HTR7: variants seen among roughly 807,000 people sequenced by gnomAD.
HTR7 encodes 5-HT-7.
HTR7 carries 16 observed loss-of-function variants against 34.0 expected under a neutral mutation model. The ratio of observed to expected loss-of-function variants is 0.47; its 90% confidence interval spans 0.32 to 0.71. The LOEUF (loss-of-function observed/expected upper bound fraction) is 0.71, where lower values mean the gene tolerates loss of function less well. HTR7 is among the 30% of genes least tolerant of loss of function. The probability of loss-of-function intolerance (pLI) is 0.04; values close to 1 mark genes in which losing one functional copy is unlikely to be tolerated. For synonymous variants in HTR7, 265 were observed against 260.2 expected (o/e 1.02, Z -0.18); for missense variants, 504 against 625.5 (o/e 0.81, Z 2.07).
chr10:90,783,634 T>C (rs1238758510), intron 1 of HTR7, among the ~76,000 whole-genome samples: 3 of 152,212 alleles, frequency 2.0e-5, no homozygotes, highest in Non-Finnish European at 4.4e-5. Context: ...TTTTTAGAGA[T>C]AGGCTTTTTA....
At chr10:90,821,943 C>A (rs1471684975) in intron 1 of HTR7, among the ~76,000 whole-genome samples, 1 of 152,192 alleles carries the variant, frequency 6.6e-6, no homozygotes, top group African/African-American at 2.4e-5. Flanking sequence ...GCCTCCCCAG[C>A]CATGCCTCCT....
Position 90,799,342 on chromosome 10 carries a change from A to C in HTR7, c.540-49748T>G, listed in dbSNP as rs750835319. Among the ~76,000 whole-genome samples, 5 of 22,954 alleles carry C rather than the reference A, an allele frequency of 2.2e-4. No homozygotes were observed. The South Asian group carries it at 0.011, about 49-fold the overall frequency. The allele number at this position is 22,954 out of a possible 152,430, so 15.1% of individuals were successfully genotyped here. A position where few individuals can be genotyped will look rare whatever the true frequency, so the allele number is the denominator to read the frequency against. ...TTTCCCGCACAGCCGGCTCTGCATG[A>C]ATGAATGAATGAATGAATGAATGAA... On this transcript the variant is annotated intron_variant, in intron 1 of 3. Coordinates refer to ENST00000336152, the MANE Select transcript of HTR7 (RefSeq NM_019859.4).
At chr10:90,850,261 C>T (rs75072459) in intron 1 of HTR7, among the ~76,000 whole-genome samples, 2,443 of 152,324 alleles carry the variant, frequency 0.016, 70 homozygotes, top group African/African-American at 0.055. Flanking sequence ...AAGTTCTGAA[C>T]TAGCCAGGGG....
chr10:90,779,719 A>C (rs900303958), intron 1 of HTR7, among the ~76,000 whole-genome samples: 2 of 152,158 alleles, frequency 1.3e-5, no homozygotes, highest in Non-Finnish European at 2.9e-5. Context: ...ACCCAGAAAA[A>C]ACATTTGTCA....
At chr10:90,837,950 A>G (rs1846277040) in intron 1 of HTR7, among the ~76,000 whole-genome samples, 1 of 152,222 alleles carries the variant, frequency 6.6e-6, no homozygotes. Flanking sequence ...AATTTCCATG[A>G]CAGGTGTTCC....
chr10:90,770,055 C>T (rs1049578943), intron 1 of HTR7, among the ~76,000 whole-genome samples: 1 of 152,224 alleles, frequency 6.6e-6, no homozygotes, highest in Non-Finnish European at 1.5e-5. Context: ...TGCACCCACC[C>T]TTGCGCAGCC....
Position 90,857,481 on chromosome 10 carries a change from G to T in HTR7, c.191C>A (p.Pro64Gln). The T allele has an allele frequency of 6.2e-7, 1 of 1,613,454 alleles. No homozygotes were observed. Among genetic ancestry groups the T allele is most frequent in the Non-Finnish European group, 8.5e-7 (1 of 1,179,960 alleles). ...TTCCCCACAGCCGGAGGCATTGTCC[G>T]GGGGCGCGTCCCAGGTGGGCGCCGG... Reference protein sequence around the residue: ...ASPAPTWDAPPDNASGCGEQI... With the variant: ...ASPAPTWDAPQDNASGCGEQI... Residue 64 changes from proline (P) to glutamine (Q), a missense_variant, in exon 1 of 4, where the codon CCG becomes CAG. Physicochemically the swap from Pro to Gln is moderately conservative, Grantham distance 76. Coordinates refer to ENST00000336152, the MANE Select transcript of HTR7 (RefSeq NM_019859.4). This position sits in a 1 kb window ranked among gnomAD's most constrained non-coding sequence, Gnocchi z 6.5.
intron 1 of HTR7, among the ~76,000 whole-genome samples, chr10:90,769,613 T>C (rs1488834816): frequency 1.3e-5 from 2 of 152,250 alleles, no homozygotes; most frequent in Non-Finnish European, 2.9e-5. Flanking sequence ...GTTTAAAGTT[T>C]AAATAATAAG....
chr10:90,836,189 T>C (rs1342426184), intron 1 of HTR7, among the ~76,000 whole-genome samples: 1 of 152,170 alleles, frequency 6.6e-6, no homozygotes, highest in African/African-American at 2.4e-5. Flanking sequence ...AATAAACACA[T>C]AGGGTGCTTT....
At chr10:90,829,678 C>T in intron 1 of HTR7, among the ~76,000 whole-genome samples, 1 of 152,182 alleles carries the variant, frequency 6.6e-6, no homozygotes, top group Non-Finnish European at 1.5e-5. Context: ...AGAAGTCAAA[C>T]TGTCCTTGTT....
chr10:90,794,325 A>C (rs1238918048), intron 1 of HTR7, among the ~76,000 whole-genome samples: 1 of 152,112 alleles, frequency 6.6e-6, no homozygotes, highest in Non-Finnish European at 1.5e-5. Context: ...ATACCTCCTT[A>C]AGGACCTGCC....
At chr10:90,817,298 G>A (rs367675769) in intron 1 of HTR7, among the ~76,000 whole-genome samples, 3 of 152,288 alleles carry the variant, frequency 2.0e-5, no homozygotes, top group Admixed American at 6.5e-5. Context: ...CTTCAGGGGA[G>A]CCATCAGGCT....
At chr10:90,830,284 T>G (rs1032044221) in intron 1 of HTR7, among the ~76,000 whole-genome samples, 3 of 152,216 alleles carry the variant, frequency 2.0e-5, no homozygotes, top group Non-Finnish European at 4.4e-5. Flanking sequence ...TCTGCAATTA[T>G]TAAAGAACAA....
At chr10:90,827,442 TA>T (rs1436629391) in intron 1 of HTR7, among the ~76,000 whole-genome samples, 3 of 152,054 alleles carry the variant, frequency 2.0e-5, no homozygotes, top group Non-Finnish European at 4.4e-5. Flanking sequence ...AATGGATTTT[TA>T]AAAAACAGAC....
chr10:90,775,354 G>A (rs968894268), intron 1 of HTR7, among the ~76,000 whole-genome samples: 1 of 152,142 alleles, frequency 6.6e-6, no homozygotes, highest in Non-Finnish European at 1.5e-5. Flanking sequence ...AAGGTGTGAT[G>A]GCGAGTTGAG....
chr10:90,846,849 C>T (rs1031924376), intron 1 of HTR7, among the ~76,000 whole-genome samples: 11 of 152,118 alleles, frequency 7.2e-5, no homozygotes, highest in East Asian at 3.9e-4. Flanking sequence ...AAGGGGAGGA[C>T]GGAGATTGGG....
At position 90,849,730 on chromosome 10, in the gene HTR7, C is replaced by T. The variant is rs144993119; in HGVS notation, c.539+7403G>A. 1.1e-4 allele frequency among the ~76,000 whole-genome samples: 17 copies of T among 152,338 alleles called. No homozygotes were observed. In the South Asian group the frequency reaches 1.9e-3, roughly 17 times the overall value. On this transcript the variant is annotated intron_variant, in intron 1 of 3. Transcript: ENST00000336152. Reference sequence around the variant, plus strand: ...GCATACATTTAAAATATTTCAGGCACATAGCCACTTCTAGCCATGATGGGG... The same window carrying T: ...GCATACATTTAAAATATTTCAGGCATATAGCCACTTCTAGCCATGATGGGG...
At chr10:90,793,112 G>GC (rs1845484727) in intron 1 of HTR7, among the ~76,000 whole-genome samples, 1 of 152,080 alleles carries the variant, frequency 6.6e-6, no homozygotes, top group Admixed American at 6.5e-5. Flanking sequence ...GGGTGCAAAG[G>GC]CAACCCATGG....
chr10:90,809,830 C>A (rs1237907783), intron 1 of HTR7, among the ~76,000 whole-genome samples: 1 of 152,238 alleles, frequency 6.6e-6, no homozygotes, highest in Non-Finnish European at 1.5e-5. Context: ...ACTCCCAGAG[C>A]CCCTGGAACT....
Sources: gnomAD v4.1 joint callset for allele counts (sites outside exome capture counted in the v4.1 genomes callset) on GRCh38, gnomAD v4.1.1 for gene constraint, Gnocchi (gnomAD v3.1) non-coding constraint, MANE v1.5 for transcripts, NCBI Gene and HGNC (gene_info 2026-07-23, HGNC 2026-07-21) for gene names.